Variants in CPXM2 observed in about 807,000 individuals in gnomAD.
CPXM2 encodes the protein inactive carboxypeptidase-like protein X2.
Under a neutral mutation model 86.1 loss-of-function variants are expected in CPXM2, and 66 were observed. The observed-to-expected ratio is 0.77, with a 90% CI of 0.63 to 0.94. The LOEUF (loss-of-function observed/expected upper bound fraction) is 0.94. CPXM2 is among the 40% of genes least tolerant of loss of function. The probability of loss-of-function intolerance (pLI) is 0.00; values close to 1 mark genes in which losing one functional copy is unlikely to be tolerated. For missense variants in CPXM2, 948 were observed against 1,026.3 expected, an observed-to-expected ratio of 0.92 and a Z score of 1.04; for synonymous variants, 388 against 400.2, an observed-to-expected ratio of 0.97 and a Z score of 0.36.
chr10:123,827,825 G>C (rs1427192459), intron 4 of CPXM2, among the ~76,000 whole-genome samples: 1 of 152,176 alleles, frequency 6.6e-6, no homozygotes, highest in Non-Finnish European at 1.5e-5. Context: ...TATAGCTACA[G>C]TCATCAGGAC....
chr10:123,913,796 G>C (rs1403548731), intron 2 of CPXM2: 2 of 320,486 alleles, frequency 6.2e-6, no homozygotes, highest in Non-Finnish European at 1.2e-5. Context: ...CAGAGATAAA[G>C]CTCTGAAAGA....
chr10:123,920,013 G>A (rs944590649), intron 2 of CPXM2, among the ~76,000 whole-genome samples: 5 of 152,120 alleles, frequency 3.3e-5, no homozygotes, highest in African/African-American at 9.7e-5. Flanking sequence ...CTTTCATGAG[G>A]GATCCACTGC....
intron 2 of CPXM2, among the ~76,000 whole-genome samples, chr10:123,899,068 G>A (rs1945361421): frequency 6.6e-6 from 1 of 152,092 alleles, no homozygotes; most frequent in Non-Finnish European, 1.5e-5. Flanking sequence ...TCCTTTTACA[G>A]AAAATAGAAA....
upstream of CPXM2, among the ~76,000 whole-genome samples, chr10:123,941,808 G>A (rs28407590): frequency 0.34 from 51,100 of 151,980 alleles, 9,128 homozygotes; most frequent in African/African-American, 0.43. Context: ...TGGTTCTCTC[G>A]TTCACCTTGA....
rs28653760 is a variant in CPXM2, at chr10:123,885,948, G to A, written c.304+5408C>T. On this transcript the variant is annotated intron_variant, in intron 1 of 13. Transcript: ENST00000241305. This position sits in a 1 kb window ranked among gnomAD's most constrained non-coding sequence, Gnocchi z 4.0. ...CAGTCCAGCTTTCGCAAACGTGGGT[G>A]TGTCCTCCTTTATTATCCATGCGCG... Among the ~76,000 whole-genome samples the A allele has an allele frequency of 6.2e-3, 951 of 152,346 alleles. 12 individuals carry two copies. The highest frequency in any genetic ancestry group is 0.021 in the African/African-American group (878 of 41,580).
intron 6 of CPXM2, among the ~76,000 whole-genome samples, chr10:123,792,204 G>A (rs1187409350): frequency 6.6e-6 from 1 of 152,166 alleles, no homozygotes; most frequent in Non-Finnish European, 1.5e-5. Flanking sequence ...AAATGAGGCA[G>A]CCACAGAACA....
chr10:123,806,877 C>G (rs181886369), intron 4 of CPXM2, among the ~76,000 whole-genome samples: 1 of 152,118 alleles, frequency 6.6e-6, no homozygotes, highest in African/African-American at 2.4e-5. Context: ...CTCCCCTACA[C>G]GTAGGGATTA....
intron 6 of CPXM2, among the ~76,000 whole-genome samples, chr10:123,789,048 C>T (rs1451969955): frequency 1.3e-5 from 2 of 152,130 alleles, no homozygotes; most frequent in Non-Finnish European, 2.9e-5. Context: ...CCCCAACATG[C>T]TCAGCAGACC....
At chr10:123,914,245 A>C (rs1248360006) in intron 2 of CPXM2, 1 of 364,670 alleles carries the variant, frequency 2.7e-6, no homozygotes, top group African/African-American at 2.1e-5. Context: ...CGAGCACATT[A>C]ACCATGGCTT....
Position 123,842,432 on chromosome 10 carries a change from G to T in CPXM2, c.570C>A (p.Asp190Glu). The change falls in exon 4 of 14, where the codon GAC becomes GAA. Residue 190 changes from aspartate (D) to glutamate (E), a missense_variant. Physicochemically the swap from Asp to Glu is conservative, Grantham distance 45. Transcript: ENST00000241305. ...CATCCACTTCAATCCACTGCTGGAGGTCATTTCTTCCCGCGCACCACGCTC... is the reference window on the plus strand; with the variant it reads ...CATCCACTTCAATCCACTGCTGGAGTTCATTTCTTCCCGCGCACCACGCTC... Reference protein sequence around the residue: ...YDGAWCAGRNDLQQWIEVDAR... With the variant: ...YDGAWCAGRNELQQWIEVDAR... 6.2e-7 allele frequency: 1 copy of T among 1,614,204 alleles called. No individual in the cohort carries two copies. The highest frequency in any genetic ancestry group is 8.5e-7 in the Non-Finnish European group (1 of 1,180,034).
intron 8 of CPXM2, among the ~76,000 whole-genome samples, chr10:123,769,792 G>A (rs1366850215): frequency 6.6e-6 from 1 of 152,162 alleles, no homozygotes; most frequent in East Asian, 1.9e-4. Context: ...CCCGAACTGT[G>A]AGCAATAAAG....
At chr10:123,824,572 G>A (rs111595957) in intron 4 of CPXM2, among the ~76,000 whole-genome samples, 5 of 152,132 alleles carry the variant, frequency 3.3e-5, no homozygotes, top group Non-Finnish European at 5.9e-5. Context: ...ACCAGCTGGC[G>A]TGCTGAGAGC....
chr10:123,905,945 C>T (rs1297740832), intron 2 of CPXM2, among the ~76,000 whole-genome samples: 6 of 152,160 alleles, frequency 3.9e-5, no homozygotes, highest in Non-Finnish European at 5.9e-5. Flanking sequence ...CTCTGGCTCT[C>T]GGGTTCTATG....
chr10:123,825,095 T>A (rs1848018225), intron 4 of CPXM2, among the ~76,000 whole-genome samples: 1 of 152,202 alleles, frequency 6.6e-6, no homozygotes, highest in South Asian at 2.1e-4. Flanking sequence ...GGGGAAAACA[T>A]TTACCTTCTG....
intron 10 of CPXM2, among the ~76,000 whole-genome samples, chr10:123,764,886 A>G (rs970898033): frequency 2.0e-5 from 3 of 152,188 alleles, no homozygotes; most frequent in African/African-American, 7.2e-5. Flanking sequence ...TAAAGTTATA[A>G]ATTTCCCTAA....
In CPXM2 at chr10:123,754,879, C is replaced by T. The variant is rs1846168476; in HGVS notation, c.1918-117G>A. On this transcript the variant is annotated intron_variant, in intron 12 of 13. Transcript: ENST00000241305. The surrounding 1 kb of genome is among the most constrained non-coding windows in gnomAD (Gnocchi z 4.0). ...CGGTTCCCACCAAGAACTCACACAG[C>T]ACCACGTCTTGCTCAGAAGGCTTGG... The T allele has an allele frequency of 4.3e-6, 3 of 692,728 alleles. No homozygotes were observed. Among genetic ancestry groups the T allele is most frequent in the African/African-American group, 3.5e-5 (2 of 56,502 alleles). The allele number at this position is 692,728 out of a possible 1,614,324, so 42.9% of individuals were successfully genotyped here.
At chr10:123,849,733 C>A (rs1292931583) in intron 3 of CPXM2, among the ~76,000 whole-genome samples, 1 of 152,102 alleles carries the variant, frequency 6.6e-6, no homozygotes, top group Non-Finnish European at 1.5e-5. Context: ...TTTTAAAAGG[C>A]TAAATCAAAT....
At chr10:123,882,788 C>T (rs182441982) in intron 1 of CPXM2, among the ~76,000 whole-genome samples, 1 of 149,228 alleles carries the variant, frequency 6.7e-6, no homozygotes, top group African/African-American at 2.5e-5. Context: ...GCAACCCCCC[C>T]CCACCATAAC....
intron 4 of CPXM2, among the ~76,000 whole-genome samples, chr10:123,807,584 T>C (rs1847607506): frequency 1.3e-5 from 2 of 152,144 alleles, no homozygotes; most frequent in Non-Finnish European, 2.9e-5. Context: ...AATCTGGAAA[T>C]TTCAAGAGAG....
Sources: allele counts gnomAD v4.1 joint callset (sites outside exome capture counted in the v4.1 genomes callset), GRCh38; gene constraint gnomAD v4.1.1; non-coding constraint Gnocchi (gnomAD v3.1); transcripts MANE v1.5; gene names NCBI Gene and HGNC (gene_info 2026-07-23, HGNC 2026-07-21).